Variants in ADAM22 observed in about 807,000 individuals in gnomAD.
The protein encoded by ADAM22 is ADAM metallopeptidase domain 22.
A neutral mutation model predicts 144.6 loss-of-function variants in ADAM22; 65 were observed. The observed-to-expected ratio is 0.45, with a 90% CI of 0.37 to 0.55. The LOEUF (loss-of-function observed/expected upper bound fraction) is 0.55, where lower values mean the gene tolerates loss of function less well. Ranked by LOEUF, ADAM22 falls within the 20% of genes least tolerant of loss-of-function variation. The probability of loss-of-function intolerance (pLI) is 0.00; values close to 1 mark genes in which losing one functional copy is unlikely to be tolerated. For synonymous variants in ADAM22, 391 were observed against 412.6 expected (o/e 0.95, Z 0.63); for missense variants, 974 against 1,184.9 (o/e 0.82, Z 2.61).
At chr7:88,149,846 A>T (rs1837797716) in intron 18 of ADAM22, among the ~76,000 whole-genome samples, 1 of 152,230 alleles carries the variant, frequency 6.6e-6, no homozygotes, top group African/African-American at 2.4e-5. Flanking sequence ...ATTTCTTTGT[A>T]AAAACCTTAG....
chr7:88,053,302 C>T (rs113041010), intron 3 of ADAM22, among the ~76,000 whole-genome samples: 328 of 150,816 alleles, frequency 2.2e-3, no homozygotes, highest in African/African-American at 7.6e-3. Context: ...ACCCTCTCCG[C>T]TAAAAAAAAA....
rs145197021 is a variant in ADAM22, at chr7:87,991,428, G to A, written c.323+13016G>A. On this transcript the variant is annotated intron_variant, in intron 3 of 31. Transcript: ENST00000413139. Reference sequence around the variant, plus strand: ...AGGCCGGAATGCGGAATGTAGTGGCGGAATCTCGGCTCACTGCAAGCTCTG... The same window carrying A: ...AGGCCGGAATGCGGAATGTAGTGGCAGAATCTCGGCTCACTGCAAGCTCTG... Among the ~76,000 whole-genome samples, 5 of 144,832 alleles carry A rather than the reference G, an allele frequency of 3.5e-5. No homozygotes were observed. In the East Asian group the frequency reaches 6.0e-4, roughly 17 times the overall value.
chr7:87,977,209 A>G (rs557566883), intron 2 of ADAM22, among the ~76,000 whole-genome samples: 11 of 152,306 alleles, frequency 7.2e-5, no homozygotes, highest in African/African-American at 2.6e-4. Context: ...TTAAAACAGA[A>G]GAATTATCCT....
chr7:88,115,969 C>T (rs991800729), intron 6 of ADAM22, among the ~76,000 whole-genome samples: 1 of 152,184 alleles, frequency 6.6e-6, no homozygotes. Context: ...TGTTCTTCCT[C>T]GTATTACACA....
chr7:88,095,088 C>T (rs1490164929), intron 4 of ADAM22, among the ~76,000 whole-genome samples: 2 of 152,162 alleles, frequency 1.3e-5, no homozygotes, highest in Non-Finnish European at 2.9e-5. Flanking sequence ...GGTAAAGTGG[C>T]AATTTGTACA....
At chr7:88,187,825 T>C (rs1304586161) in intron 30 of ADAM22, among the ~76,000 whole-genome samples, 1 of 152,138 alleles carries the variant, frequency 6.6e-6, no homozygotes, top group Non-Finnish European at 1.5e-5. Context: ...TGATTAGACC[T>C]ACCTGCCTTT....
intron 2 of ADAM22, among the ~76,000 whole-genome samples, chr7:87,977,279 G>A (rs1055998603): frequency 6.6e-6 from 1 of 152,068 alleles, no homozygotes; most frequent in Non-Finnish European, 1.5e-5. Context: ...TAATCTCATA[G>A]TTTACTGTGT....
chr7:88,166,031 T>A (rs1842873374), intron 24 of ADAM22, 85 bp downstream of exon 24: 1 of 900,298 alleles, frequency 1.1e-6, no homozygotes, highest in Admixed American at 3.1e-5. Context: ...GAGTTATTTT[T>A]ATGATAATCA....
intron 3 of ADAM22, among the ~76,000 whole-genome samples, chr7:88,033,270 A>G (rs183863895): frequency 7.9e-5 from 12 of 152,366 alleles, no homozygotes; most frequent in Admixed American, 2.0e-4. Flanking sequence ...CCCCAAGCCC[A>G]GTAATGCTAT....
At chr7:87,956,264 A>G (rs1846713564) in intron 2 of ADAM22, among the ~76,000 whole-genome samples, 2 of 152,134 alleles carry the variant, frequency 1.3e-5, no homozygotes, top group Admixed American at 6.5e-5. Context: ...CTATTTGGCC[A>G]TCTTGGCTCC....
At chr7:88,125,333 T>C (rs942863479) in intron 7 of ADAM22, among the ~76,000 whole-genome samples, 8 of 152,016 alleles carry the variant, frequency 5.3e-5, no homozygotes, top group Admixed American at 2.0e-4. Flanking sequence ...AAAGTAATGA[T>C]ATTTATAAGA....
chr7:87,980,094 T>A (rs1852944694), intron 3 of ADAM22, among the ~76,000 whole-genome samples: 1 of 152,176 alleles, frequency 6.6e-6, no homozygotes, highest in African/African-American at 2.4e-5. Context: ...GAGACACACA[T>A]ATGGTCATAC....
At chr7:88,150,912 C>T (rs2129526210) in intron 18 of ADAM22, 69 bp from the exon 19 acceptor site, 2 of 1,306,972 alleles carry the variant, frequency 1.5e-6, no homozygotes, top group South Asian at 2.4e-5. Context: ...AAAGTGAAAA[C>T]ATTAAAGGGT....
intron 9 of ADAM22, among the ~76,000 whole-genome samples, chr7:88,129,684 A>C (rs1284831090): frequency 2.0e-5 from 3 of 152,118 alleles, no homozygotes; most frequent in Non-Finnish European, 4.4e-5. Context: ...ACGTAAGTGA[A>C]ATTAACCAGA....
In ADAM22 at chr7:87,934,441, G is replaced by A; in HGVS notation, c.-25G>A. The A allele has an allele frequency of 6.4e-7, 1 of 1,570,642 alleles. No homozygotes were observed. Among genetic ancestry groups the A allele is most frequent in the Non-Finnish European group, 8.6e-7 (1 of 1,163,544 alleles). On this transcript the variant is annotated 5_prime_UTR_variant, in exon 1 of 32. Transcript: ENST00000413139. Reference sequence around the variant, plus strand: ...CCGGCATGAGGAGCTGAGCGTCTCGGGCGAGGCGGGCTGACGGCAGCACCA... The same window carrying A: ...CCGGCATGAGGAGCTGAGCGTCTCGAGCGAGGCGGGCTGACGGCAGCACCA...
At chr7:88,169,119 A>T (rs984936237) in intron 25 of ADAM22, among the ~76,000 whole-genome samples, 1 of 152,138 alleles carries the variant, frequency 6.6e-6, no homozygotes, top group African/African-American at 2.4e-5. Flanking sequence ...CAAAGGAAAC[A>T]TCTTTATAGT....
chr7:87,987,834 A>G (rs1174852949), intron 3 of ADAM22, among the ~76,000 whole-genome samples: 1 of 152,142 alleles, frequency 6.6e-6, no homozygotes, highest in Non-Finnish European at 1.5e-5. Flanking sequence ...TCAATCTGTT[A>G]CTTCACACTC....
At chr7:88,135,277 C>CAA (rs55721029) in intron 13 of ADAM22, among the ~76,000 whole-genome samples, 16 of 60,464 alleles carry the variant, frequency 2.6e-4, no homozygotes, top group East Asian at 5.7e-4. Context: ...GACTCCATCT[C>CAA]AAAAAAAAAA....
At chr7:87,964,530 CTT>C (rs1442394374) in intron 2 of ADAM22, 2 of 315,798 alleles carry the variant, frequency 6.3e-6, no homozygotes, top group African/African-American at 4.4e-5. Flanking sequence ...TCTAGAGTCT[CTT>C]TTATTACCTT....
Sources: gnomAD v4.1 joint callset for allele counts (sites outside exome capture counted in the v4.1 genomes callset) on GRCh38, gnomAD v4.1.1 for gene constraint, MANE v1.5 for transcripts, NCBI Gene and HGNC (gene_info 2026-07-23, HGNC 2026-07-21) for gene names.